Variants in SUPT3H observed in about 807,000 individuals in gnomAD.
SUPT3H encodes SPT3 homolog, SAGA and STAGA complex component.
Under a neutral mutation model 44.3 loss-of-function variants are expected in SUPT3H, and 44 were observed. The observed-to-expected ratio is 0.99, with a 90% CI of 0.78 to 1.28. The LOEUF (loss-of-function observed/expected upper bound fraction) is 1.28, where lower values mean the gene tolerates loss of function less well. Among genes scored for constraint, SUPT3H ranks in the 50% most tolerant of loss-of-function variants. The probability of loss-of-function intolerance (pLI) is 0.00; values close to 1 mark genes in which losing one functional copy is unlikely to be tolerated. For missense variants in SUPT3H, 380 were observed against 387.1 expected, an observed-to-expected ratio of 0.98 and a Z score of 0.15; for synonymous variants, 124 against 125.6, an observed-to-expected ratio of 0.99 and a Z score of 0.09.
Position 45,019,379 on chromosome 6 carries a change from G to A in SUPT3H, c.273+1167C>T, listed in dbSNP as rs1416637851. Reference sequence around the variant, plus strand: ...TCTGCTCTGATTTTAGTTATTTCTTGCCTTCTGCTAGCTTTTGAATGTGTT... The same window carrying A: ...TCTGCTCTGATTTTAGTTATTTCTTACCTTCTGCTAGCTTTTGAATGTGTT... On this transcript the variant is annotated intron_variant, in intron 4 of 10. Coordinates refer to ENST00000371459, the MANE Select transcript of SUPT3H (RefSeq NM_003599.4). Among the ~76,000 whole-genome samples the A allele has an allele frequency of 2.6e-5, 4 of 151,638 alleles. No individual in the cohort carries two copies. In the East Asian group the frequency reaches 7.7e-4, roughly 29 times the overall value.
In SUPT3H at chr6:45,098,431, G is replaced by A. The variant is rs150556986; in HGVS notation, c.186+7491C>T. On this transcript the variant is annotated intron_variant, in intron 3 of 10. Transcript: ENST00000371459. ...TGGAACGTGGCCAGTTTGCCTGCTGGGGAAAAAGCCACACTGACCAGAGAC... is the reference window on the plus strand; with the variant it reads ...TGGAACGTGGCCAGTTTGCCTGCTGAGGAAAAAGCCACACTGACCAGAGAC... 726 of 184,064 alleles carry A rather than the reference G, an allele frequency of 3.9e-3. 10 individuals carry two copies. The highest frequency in any genetic ancestry group is 0.019 in the Middle Eastern group (8 of 414). 11.4% of individuals were successfully genotyped at this position (184,064 alleles called of 1,614,324 possible). A position where few individuals can be genotyped will look rare whatever the true frequency, so the allele number is the denominator to read the frequency against.
chr6:45,159,555 T>G (rs146062911), intron 2 of SUPT3H: 2 of 152,304 alleles, frequency 1.3e-5, no homozygotes, highest in East Asian at 1.9e-4. Context: ...GCAAGAACCA[T>G]GTAGATTCAC....
At chr6:45,160,884 G>C (rs1294360521) in intron 2 of SUPT3H, among the ~76,000 whole-genome samples, 6 of 152,106 alleles carry the variant, frequency 3.9e-5, no homozygotes, top group Non-Finnish European at 1.5e-5. Context: ...TGATAAGTTT[G>C]AATGTTCCCT....
At chr6:45,084,508 T>C (rs901066090) in intron 3 of SUPT3H, among the ~76,000 whole-genome samples, 1 of 152,194 alleles carries the variant, frequency 6.6e-6, no homozygotes, top group African/African-American at 2.4e-5. Context: ...TTTCATACAC[T>C]GCTGGTAGGA....
At chr6:44,870,867 G>C (rs893960606) in intron 10 of SUPT3H, among the ~76,000 whole-genome samples, 4 of 151,652 alleles carry the variant, frequency 2.6e-5, no homozygotes, top group Non-Finnish European at 4.4e-5. Flanking sequence ...TTCCCTTTCC[G>C]AGTCAAAGAA....
intron 2 of SUPT3H, among the ~76,000 whole-genome samples, chr6:45,312,497 AGAGT>A (rs1417080359): frequency 6.8e-6 from 1 of 146,116 alleles, no homozygotes; most frequent in Non-Finnish European, 1.5e-5. Context: ...CCTGGACGAC[AGAGT>A]GAGACTCCAT....
At chr6:45,051,740 A>C (rs1322172983) in intron 3 of SUPT3H, among the ~76,000 whole-genome samples, 3 of 152,192 alleles carry the variant, frequency 2.0e-5, no homozygotes, top group African/African-American at 7.2e-5. Flanking sequence ...AAATGAAATG[A>C]GGCCAAGGGT....
At chr6:44,956,713 T>C (rs959233640) in intron 7 of SUPT3H, among the ~76,000 whole-genome samples, 1 of 152,130 alleles carries the variant, frequency 6.6e-6, no homozygotes, top group Non-Finnish European at 1.5e-5. Context: ...GCCTTGAGTC[T>C]TTTCCTCTGT....
At chr6:45,063,006 C>G (rs1237426215) in intron 3 of SUPT3H, among the ~76,000 whole-genome samples, 1 of 151,500 alleles carries the variant, frequency 6.6e-6, no homozygotes, top group Admixed American at 6.6e-5. Context: ...CCTCTGGGGG[C>G]AGGGCACAGA....
chr6:44,894,177 G>A (rs868778853), intron 10 of SUPT3H, among the ~76,000 whole-genome samples: 1 of 130,862 alleles, frequency 7.6e-6, no homozygotes, highest in African/African-American at 2.7e-5. Context: ...TAGGTTGCCT[G>A]TTCACTCTGA....
intron 5 of SUPT3H, among the ~76,000 whole-genome samples, chr6:45,007,102 G>C (rs529858649): frequency 8.2e-4 from 125 of 152,208 alleles, no homozygotes; most frequent in African/African-American, 2.7e-3. Context: ...TTCCTCTCAT[G>C]AATCGATAAA....
intron 3 of SUPT3H, among the ~76,000 whole-genome samples, chr6:45,067,329 T>C (rs375309123): frequency 8.4e-4 from 109 of 129,866 alleles, no homozygotes; most frequent in Middle Eastern, 3.8e-3. Context: ...GGATTAAAGA[T>C]TTAAACGTTA....
At chr6:45,150,867 C>T (rs138532150) in intron 2 of SUPT3H, among the ~76,000 whole-genome samples, 4,185 of 151,948 alleles carry the variant, frequency 0.028, 220 homozygotes, top group African/African-American at 0.095. Flanking sequence ...GGACTACAGG[C>T]GTGCGCCACC....
intron 6 of SUPT3H, among the ~76,000 whole-genome samples, chr6:44,974,256 T>A (rs1177219043): frequency 1.3e-5 from 2 of 151,468 alleles, no homozygotes; most frequent in Non-Finnish European, 2.9e-5. Flanking sequence ...TTTGTATATA[T>A]AAATATATAT....
At chr6:45,192,857 C>A (rs1815370428) in intron 2 of SUPT3H, among the ~76,000 whole-genome samples, 2 of 152,106 alleles carry the variant, frequency 1.3e-5, no homozygotes, top group Non-Finnish European at 2.9e-5. Flanking sequence ...ATTTAAGACA[C>A]AAAAATAATA....
intron 2 of SUPT3H, among the ~76,000 whole-genome samples, chr6:45,150,514 T>C (rs1323109438): frequency 6.6e-6 from 1 of 152,062 alleles, no homozygotes; most frequent in Non-Finnish European, 1.5e-5. Flanking sequence ...ACATTCAATA[T>C]TGAATATAAA....
chr6:44,980,339 C>T (rs1778927453), intron 6 of SUPT3H, among the ~76,000 whole-genome samples: 2 of 151,286 alleles, frequency 1.3e-5, no homozygotes, highest in South Asian at 4.2e-4. Flanking sequence ...CAACATATAA[C>T]AAAATCATTT....
chr6:45,308,654 A>G (rs1372028729), intron 2 of SUPT3H, among the ~76,000 whole-genome samples: 1 of 152,138 alleles, frequency 6.6e-6, no homozygotes. Flanking sequence ...TGACGAGTTA[A>G]TGGGTGCAGT....
At chr6:45,267,020 A>G (rs1041803686) in intron 2 of SUPT3H, among the ~76,000 whole-genome samples, 6 of 152,160 alleles carry the variant, frequency 3.9e-5, no homozygotes, top group Non-Finnish European at 5.9e-5. Flanking sequence ...CCTTCAGCCT[A>G]TAAGTATAAG....
Sources: gnomAD v4.1 joint callset for allele counts (sites outside exome capture counted in the v4.1 genomes callset) on GRCh38, gnomAD v4.1.1 for gene constraint, MANE v1.5 for transcripts, NCBI Gene and HGNC (gene_info 2026-07-23, HGNC 2026-07-21) for gene names.